The following DISC1 variants were observed in gnomAD, a reference collection of about 807,000 sequenced individuals.
The protein encoded by DISC1 is disrupted in schizophrenia 1 protein.
In DISC1, 57 loss-of-function variants were observed where a neutral mutation model predicts 84.5. The observed-to-expected ratio is 0.67, with a 90% confidence interval of 0.55 to 0.84. DISC1 has a LOEUF of 0.84. Among genes scored for constraint, DISC1 ranks in the 40% least tolerant of loss-of-function variants. DISC1 has a pLI of 0.00. For missense variants in DISC1, 1,000 were observed against 1,057.8 expected (o/e 0.95, Z 0.76); for synonymous variants, 411 against 415.2 (o/e 0.99, Z 0.12).
chr1:231,675,750 C>T lies in DISC1; in HGVS notation c.68-18076C>T, dbSNP rs1041256755. On this transcript the variant is annotated intron_variant, in intron 1 of 12. Transcript: ENST00000439617. This position sits in a 1 kb window ranked among gnomAD's most constrained non-coding sequence, Gnocchi z 4.1. ...CTTGTCTTCGAGGTCCTTCTTACTC[C>T]CTTGTCCAATGTGTGACATCTTATC... Among the ~76,000 whole-genome samples, 4 of 152,132 alleles carry T rather than the reference C, an allele frequency of 2.6e-5. No homozygotes were observed. Among genetic ancestry groups the T allele is most frequent in the African/African-American group, 4.8e-5 (2 of 41,434 alleles).
chr1:231,906,571 TA>T (rs2088660454), intron 9 of DISC1, among the ~76,000 whole-genome samples: 1 of 152,144 alleles, frequency 6.6e-6, no homozygotes, highest in Non-Finnish European at 1.5e-5. Context: ...AAAACTAAAC[TA>T]AACTAAAAAG....
chr1:231,867,476 G>C (rs2085144943), intron 9 of DISC1, among the ~76,000 whole-genome samples: 1 of 152,134 alleles, frequency 6.6e-6, no homozygotes, highest in South Asian at 2.1e-4. Flanking sequence ...GGAATAGTGA[G>C]GTACCCAGGA....
chr1:231,628,945 C>G (rs1322909493), intron 1 of DISC1, among the ~76,000 whole-genome samples: 1 of 151,892 alleles, frequency 6.6e-6, no homozygotes, highest in East Asian at 1.9e-4. Flanking sequence ...CTATGTTGCT[C>G]AGGCTGGTCT....
intron 3 of DISC1, among the ~76,000 whole-genome samples, chr1:231,727,177 T>C (rs2070839225): frequency 6.6e-6 from 1 of 152,142 alleles, no homozygotes; most frequent in Non-Finnish European, 1.5e-5. Flanking sequence ...TCATCTCTCG[T>C]GTTATAGCTT....
intron 3 of DISC1, among the ~76,000 whole-genome samples, chr1:231,711,201 G>A (rs1304187688): frequency 6.6e-6 from 1 of 151,940 alleles, no homozygotes; most frequent in Non-Finnish European, 1.5e-5. Context: ...CCATGCCATG[G>A]TGGACAAACT....
intron 3 of DISC1, among the ~76,000 whole-genome samples, chr1:231,711,212 A>G (rs1392234929): frequency 1.3e-5 from 2 of 152,160 alleles, no homozygotes; most frequent in Non-Finnish European, 2.9e-5. Context: ...TGGACAAACT[A>G]TGCATAAAAA....
At chr1:231,762,238 CTT>C (rs1372621360) in intron 4 of DISC1, among the ~76,000 whole-genome samples, 1 of 20,688 alleles carries the variant, frequency 4.8e-5, no homozygotes, top group African/African-American at 1.6e-4. Context: ...CTTTTCTTTT[CTT>C]TTCTTTTCTT....
chr1:231,855,226 A>G (rs1405216851), intron 9 of DISC1: 2 of 1,001,674 alleles, frequency 2.0e-6, no homozygotes, highest in East Asian at 2.0e-4. Flanking sequence ...GTCTTTGTTC[A>G]CTTTACACTG....
chr1:231,691,517 A>C (rs1263781295), intron 1 of DISC1, among the ~76,000 whole-genome samples: 2 of 152,210 alleles, frequency 1.3e-5, no homozygotes, highest in Non-Finnish European at 2.9e-5. Context: ...TGAAATTTCA[A>C]ACAAATTATT....
At chr1:231,755,272 G>T (rs1004098038) in intron 4 of DISC1, among the ~76,000 whole-genome samples, 1 of 151,682 alleles carries the variant, frequency 6.6e-6, no homozygotes, top group African/African-American at 2.4e-5. Context: ...AACTCCTGGG[G>T]TTAAGCAATT....
chr1:231,636,780 A>C (rs1383474978), intron 1 of DISC1, among the ~76,000 whole-genome samples: 1 of 152,116 alleles, frequency 6.6e-6, no homozygotes, highest in East Asian at 1.9e-4. Context: ...CTACCTTTAA[A>C]ATTTTATTCT....
intron 9 of DISC1, among the ~76,000 whole-genome samples, chr1:231,863,392 GGCTAATTTTT>G (rs1558664116): frequency 2.7e-3 from 417 of 151,912 alleles, no homozygotes; most frequent in African/African-American, 9.5e-3. Flanking sequence ...CACCATGCCT[GGCTAATTTTT>G]GTACTTTTAG....
chr1:231,650,147 C>G (rs879258076), intron 1 of DISC1, among the ~76,000 whole-genome samples: 2 of 152,204 alleles, frequency 1.3e-5, no homozygotes, highest in Non-Finnish European at 2.9e-5. Context: ...GATGCAGTTT[C>G]TTCCTAGCAT....
At chr1:231,846,533 T>G (rs1432626425) in intron 9 of DISC1, among the ~76,000 whole-genome samples, 1 of 152,234 alleles carries the variant, frequency 6.6e-6, no homozygotes, top group Non-Finnish European at 1.5e-5. Context: ...TCGCATTCTC[T>G]TGCTTCTACA....
At chr1:231,679,996 G>A (rs2063530770) in intron 1 of DISC1, among the ~76,000 whole-genome samples, 1 of 152,222 alleles carries the variant, frequency 6.6e-6, no homozygotes, top group African/African-American at 2.4e-5. Context: ...GGGAGGCCGA[G>A]GTGGATAGAT....
intron 10 of DISC1, among the ~76,000 whole-genome samples, chr1:231,982,456 A>C (rs1193680362): frequency 2.0e-5 from 3 of 151,830 alleles, no homozygotes; most frequent in Non-Finnish European, 4.4e-5. Flanking sequence ...TTTAGCAACT[A>C]TTCTATTCCC....
intron 9 of DISC1, among the ~76,000 whole-genome samples, chr1:231,943,189 T>C (rs772094357): frequency 2.0e-5 from 3 of 152,250 alleles, no homozygotes; most frequent in Non-Finnish European, 4.4e-5. Context: ...TAAAATGTAT[T>C]ATTCAGGCAT....
chr1:231,876,965 G>C (rs1290560641), intron 9 of DISC1, among the ~76,000 whole-genome samples: 1 of 152,182 alleles, frequency 6.6e-6, no homozygotes, highest in East Asian at 1.9e-4. Flanking sequence ...GTGGAGACAG[G>C]CCTGATGGGA....
At chr1:231,969,538 A>G (rs1661623079) in intron 10 of DISC1, among the ~76,000 whole-genome samples, 1 of 150,380 alleles carries the variant, frequency 6.6e-6, no homozygotes, top group Non-Finnish European at 1.5e-5. Flanking sequence ...AATCGTCTTG[A>G]CCTCAGAGAC....
Sources: gnomAD v4.1 joint callset for allele counts (sites outside exome capture counted in the v4.1 genomes callset) on GRCh38, gnomAD v4.1.1 for gene constraint, Gnocchi (gnomAD v3.1) non-coding constraint, MANE v1.5 for transcripts, NCBI Gene and HGNC (gene_info 2026-07-23, HGNC 2026-07-21) for gene names.